Variants in IQGAP2 observed in about 807,000 individuals in gnomAD.
IQGAP2 encodes the protein IQ motif containing GTPase activating protein 2.
Under a neutral mutation model 201.3 loss-of-function variants are expected in IQGAP2, and 173 were observed. The observed-to-expected ratio is 0.86, with a 90% CI of 0.76 to 0.98. The LOEUF (loss-of-function observed/expected upper bound fraction) is 0.98, where lower values mean the gene tolerates loss of function less well. IQGAP2 is among the 50% of genes least tolerant of loss of function. The pLI, the probability that IQGAP2 is intolerant of heterozygous loss-of-function variation, is 0.00. For missense variants in IQGAP2, 1,687 were observed against 1,864.8 expected (o/e 0.90, Z 1.76); for synonymous variants, 675 against 673.9 (o/e 1.00, Z -0.03).
chr5:76,428,688 C>T (rs1037612594), intron 1 of IQGAP2, among the ~76,000 whole-genome samples: 1 of 151,656 alleles, frequency 6.6e-6, no homozygotes, highest in Non-Finnish European at 1.5e-5. Flanking sequence ...CCGTCTCAGC[C>T]TCCCAAAGTG....
Position 76,674,557 on chromosome 5 carries a change from A to C in IQGAP2, c.3375A>C (p.Thr1125=). 1 of 1,614,148 alleles carries C rather than the reference A, an allele frequency of 6.2e-7. No homozygotes were observed. The highest frequency in any genetic ancestry group is 8.5e-7 in the Non-Finnish European group (1 of 1,179,998). Residue 1125 remains threonine, a synonymous_variant, in exon 27 of 36, where the codon ACA becomes ACC. Coordinates refer to ENST00000274364, the MANE Select transcript of IQGAP2 (RefSeq NM_006633.5). ...ATGGCTTTGATATCATCGACATGAC[A>C]GCTGGAGGTCAGATAAATTCTGACC... ...APDGFDIIDM[T]AGGQINSDQR... is the part of the protein sequence containing the mutation.
chr5:76,637,150 T>C lies in IQGAP2; in HGVS notation c.1897T>C (p.Ser633Pro). 1 of 1,608,676 alleles carries C rather than the reference T, an allele frequency of 6.2e-7. No individual in the cohort carries two copies. The highest frequency in any genetic ancestry group is 8.5e-7 in the Non-Finnish European group (1 of 1,177,510). The part of the protein sequence containing the change: ...VTPESCLYKE[S>P]WLTGKEIEDI... Reference sequence around the variant, plus strand: ...ACCTGAATCATGCTTGTATAAAGAATCATGGCTCACAGGAAAAGAAATCGA... The same window carrying C: ...ACCTGAATCATGCTTGTATAAAGAACCATGGCTCACAGGAAAAGAAATCGA... The change falls in exon 16 of 36, where the codon TCA becomes CCA. Residue 633 changes from serine (S) to proline (P), a missense_variant. Physicochemically the swap from Ser to Pro is moderately conservative, Grantham distance 74. Transcript: ENST00000274364.
At chr5:76,500,064 C>T (rs1349603128) in intron 2 of IQGAP2, among the ~76,000 whole-genome samples, 1 of 152,090 alleles carries the variant, frequency 6.6e-6, no homozygotes, top group African/African-American at 2.4e-5. Context: ...GCTGTGATTA[C>T]ACCATTGTAC....
chr5:76,488,375 TA>T (rs968698612), intron 2 of IQGAP2, among the ~76,000 whole-genome samples: 1 of 152,196 alleles, frequency 6.6e-6, no homozygotes, highest in Non-Finnish European at 1.5e-5. Flanking sequence ...ATTCTTTTTT[TA>T]AAAAAATTAT....
chr5:76,603,848 G>A (rs1747603638), intron 11 of IQGAP2, among the ~76,000 whole-genome samples: 1 of 152,168 alleles, frequency 6.6e-6, no homozygotes, highest in South Asian at 2.1e-4. Flanking sequence ...GAACTGAGAG[G>A]AGTGAGAGGA....
At chr5:76,407,106 A>T (rs1750841930) in intron 1 of IQGAP2, among the ~76,000 whole-genome samples, 1 of 152,028 alleles carries the variant, frequency 6.6e-6, no homozygotes, top group Non-Finnish European at 1.5e-5. Flanking sequence ...CACCCTCCTG[A>T]GTAGCTGGTA....
At chr5:76,684,537 A>G (rs1386696461) in intron 30 of IQGAP2, among the ~76,000 whole-genome samples, 1 of 152,224 alleles carries the variant, frequency 6.6e-6, no homozygotes, top group Non-Finnish European at 1.5e-5. Flanking sequence ...AATGAGATTC[A>G]TGATACAACA....
At chr5:76,521,067 A>C (rs1214933376) in intron 2 of IQGAP2, among the ~76,000 whole-genome samples, 1 of 151,874 alleles carries the variant, frequency 6.6e-6, no homozygotes, top group Non-Finnish European at 1.5e-5. Context: ...TATAGTTTTT[A>C]TCTCTCTTTA....
At chr5:76,536,962 G>C (rs1359593396) in intron 2 of IQGAP2, among the ~76,000 whole-genome samples, 4 of 152,186 alleles carry the variant, frequency 2.6e-5, no homozygotes, top group African/African-American at 9.7e-5. Context: ...GGGAAGAATA[G>C]TGGCTGTGGG....
chr5:76,663,735 G>T (rs539183046), intron 21 of IQGAP2, among the ~76,000 whole-genome samples: 1 of 151,768 alleles, frequency 6.6e-6, no homozygotes, highest in African/African-American at 2.4e-5. Context: ...GTCTTGCTCT[G>T]TTGCCCAGGT....
At position 76,510,829 on chromosome 5, in the gene IQGAP2, C is replaced by T. The variant is rs1299359444; in HGVS notation, c.146+49160C>T. 36 of 426,898 alleles carry T rather than the reference C, an allele frequency of 8.4e-5. No homozygotes were observed. The Admixed American group carries it at 1.0e-3, about 12-fold the overall frequency. 26.4% of individuals were successfully genotyped at this position (426,898 alleles called of 1,614,324 possible). A position where few individuals can be genotyped will look rare whatever the true frequency, so the allele number is the denominator to read the frequency against. On this transcript the variant is annotated intron_variant, in intron 2 of 35. Coordinates refer to ENST00000274364, the MANE Select transcript of IQGAP2 (RefSeq NM_006633.5). Reference sequence around the variant, plus strand: ...CCCAGAAGACACACCTGGCCTCCAGCAGGCTGGGCCTTCCAGAAGGGATAG... The same window carrying T: ...CCCAGAAGACACACCTGGCCTCCAGTAGGCTGGGCCTTCCAGAAGGGATAG...
chr5:76,418,160 T>C (rs1226667972), intron 1 of IQGAP2, among the ~76,000 whole-genome samples: 1 of 148,314 alleles, frequency 6.7e-6, no homozygotes, highest in Non-Finnish European at 1.5e-5. Flanking sequence ...TGAGCTGAGA[T>C]TGCGCCATTG....
At chr5:76,411,329 C>T (rs1751105354) in intron 1 of IQGAP2, among the ~76,000 whole-genome samples, 1 of 152,168 alleles carries the variant, frequency 6.6e-6, no homozygotes, top group Non-Finnish European at 1.5e-5. Context: ...CTAACCAGGC[C>T]TTGATTACTT....
chr5:76,564,099 A>G (rs184147371), intron 3 of IQGAP2, among the ~76,000 whole-genome samples: 2 of 152,370 alleles, frequency 1.3e-5, no homozygotes, highest in East Asian at 3.9e-4. Flanking sequence ...GTTTCACTCC[A>G]GAGTTCCAGC....
intron 12 of IQGAP2, chr5:76,607,975 G>T (rs996451219): frequency 2.6e-5 from 4 of 152,232 alleles, no homozygotes; most frequent in African/African-American, 4.8e-5. Flanking sequence ...CACAAATGAA[G>T]GTATGTTAGT....
At chr5:76,688,306 C>A (rs907528477) in intron 30 of IQGAP2, among the ~76,000 whole-genome samples, 1 of 152,148 alleles carries the variant, frequency 6.6e-6, no homozygotes, top group African/African-American at 2.4e-5. Context: ...CAGAAATGCC[C>A]TTATGTTTAA....
intron 33 of IQGAP2, among the ~76,000 whole-genome samples, chr5:76,698,926 C>T (rs1239443704): frequency 6.6e-6 from 1 of 152,090 alleles, no homozygotes; most frequent in Non-Finnish European, 1.5e-5. Context: ...TTTATTATTA[C>T]AATGTGAAAT....
intron 2 of IQGAP2, among the ~76,000 whole-genome samples, chr5:76,498,435 T>C (rs1003257654): frequency 2.0e-5 from 3 of 152,180 alleles, no homozygotes; most frequent in Non-Finnish European, 4.4e-5. Flanking sequence ...CACACTTCTG[T>C]AGCAGAGACA....
intron 3 of IQGAP2, among the ~76,000 whole-genome samples, chr5:76,566,091 T>C (rs1744727332): frequency 6.6e-6 from 1 of 152,058 alleles, no homozygotes. Flanking sequence ...TAGGGTAGAA[T>C]TCATTCATCC....
Sources: gnomAD v4.1 joint callset for allele counts (sites outside exome capture counted in the v4.1 genomes callset) on GRCh38, gnomAD v4.1.1 for gene constraint, MANE v1.5 for transcripts, NCBI Gene and HGNC (gene_info 2026-07-23, HGNC 2026-07-21) for gene names.